The following ARMC1 variants were observed in gnomAD, a reference collection of about 807,000 sequenced individuals.
ARMC1 encodes armadillo repeat-containing protein 1.
A neutral mutation model predicts 31.4 loss-of-function variants in ARMC1; 16 were observed. The observed-to-expected ratio is 0.51, with a 90% CI of 0.34 to 0.77. The LOEUF (loss-of-function observed/expected upper bound fraction) is 0.77, where lower values mean the gene tolerates loss of function less well. Ranked by LOEUF, ARMC1 falls within the 30% of genes least tolerant of loss-of-function variation. ARMC1 has a pLI of 0.01. For missense variants in ARMC1, 259 were observed against 347.5 expected (o/e 0.75, Z 2.02); for synonymous variants, 114 against 118.9 (o/e 0.96, Z 0.27).
intron 2 of ARMC1, 141 bp downstream of exon 2, chr8:65,627,071 CACAT>C (rs1808526340): frequency 1.5e-6 from 1 of 660,596 alleles, no homozygotes; most frequent in Non-Finnish European, 2.5e-6. Flanking sequence ...CCACAGACCA[CACAT>C]ACATATGTTT....
intron 3 of ARMC1, among the ~76,000 whole-genome samples, chr8:65,617,204 G>A (rs1808290076): frequency 6.6e-6 from 1 of 152,238 alleles, no homozygotes; most frequent in Admixed American, 6.5e-5. Context: ...GGAAAAGATA[G>A]AGAAATCAGA....
chr8:65,613,096 T>C (rs1808177483), intron 4 of ARMC1, 148 bp downstream of exon 4: 2 of 501,196 alleles, frequency 4.0e-6, no homozygotes, highest in African/African-American at 2.0e-5. Context: ...TCTTATATCC[T>C]ATGATTAACT....
intron 4 of ARMC1, among the ~76,000 whole-genome samples, chr8:65,610,193 G>T (rs972929332): frequency 2.0e-5 from 3 of 151,932 alleles, no homozygotes; most frequent in Non-Finnish European, 4.4e-5. Context: ...CACCTCCCAG[G>T]TTCAAGCGAT....
At chr8:65,622,019 C>A (rs1341785207) in intron 3 of ARMC1, among the ~76,000 whole-genome samples, 2 of 151,944 alleles carry the variant, frequency 1.3e-5, no homozygotes, top group African/African-American at 2.4e-5. Flanking sequence ...CTCACTGCAA[C>A]CTCCACCTCC....
intron 2 of ARMC1, among the ~76,000 whole-genome samples, chr8:65,623,699 G>GA (rs1300241342): frequency 7.5e-6 from 1 of 133,096 alleles, no homozygotes; most frequent in East Asian, 2.3e-4. Context: ...GAAGAAGCCA[G>GA]AAAAAGGCAT....
intron 4 of ARMC1, among the ~76,000 whole-genome samples, chr8:65,611,050 C>T (rs1808129109): frequency 1.3e-5 from 2 of 152,060 alleles, no homozygotes; most frequent in African/African-American, 4.8e-5. Context: ...TCTCCTGCCT[C>T]AGCCTCCCAT....
At position 65,602,830 on chromosome 8, in the gene ARMC1, T is replaced by G. The variant is rs1250065888; in HGVS notation, c.*1564A>C. ...TGAAAGTTATTGTTGCTTTTTTTGT[T>G]TTTTTTTTTTCAGTTTGTGCGTGTC... is the stretch of plus-strand genomic sequence containing the variant. On this transcript the variant is annotated 3_prime_UTR_variant, in exon 7 of 7. Coordinates refer to ENST00000276569, the MANE Select transcript of ARMC1 (RefSeq NM_018120.6). The G allele has an allele frequency of 2.0e-5, 3 of 150,818 alleles. No individual in the cohort carries two copies. The highest frequency in any genetic ancestry group is 2.0e-4 in the Admixed American group (3 of 15,128). The allele number at this position is 150,818 out of a possible 1,614,324, so 9.3% of individuals were successfully genotyped here.
Position 65,634,156 on chromosome 8 carries a change from G to A in ARMC1, c.-194C>T, listed in dbSNP as rs995285875. The A allele has an allele frequency of 1.3e-5, 2 of 152,332 alleles. No individual in the cohort carries two copies. The highest frequency in any genetic ancestry group is 2.4e-5 in the African/African-American group (1 of 41,482). The allele number at this position is 152,332 out of a possible 1,614,324, so 9.4% of individuals were successfully genotyped here. A position where few individuals can be genotyped will look rare whatever the true frequency, so the allele number is the denominator to read the frequency against. ...CTAACTCAGGGAGCCAAAGAGCGAAGGCGCTGGCGGGCAAAGGCTCTGCAG... is the reference window on the plus strand; with the variant it reads ...CTAACTCAGGGAGCCAAAGAGCGAAAGCGCTGGCGGGCAAAGGCTCTGCAG... On this transcript the variant is annotated 5_prime_UTR_variant, in exon 1 of 7. Transcript: ENST00000276569.
intron 2 of ARMC1, among the ~76,000 whole-genome samples, chr8:65,624,655 C>G (rs1808476922): frequency 6.6e-6 from 1 of 151,956 alleles, no homozygotes; most frequent in Non-Finnish European, 1.5e-5. Flanking sequence ...TGGAAATATA[C>G]TCTTGTGTGA....
chr8:65,609,857 C>CAAAAAAAAA (rs35519675), intron 4 of ARMC1, among the ~76,000 whole-genome samples: 2 of 93,064 alleles, frequency 2.1e-5, no homozygotes, highest in Non-Finnish European at 2.0e-5. Flanking sequence ...GACTCTGTCT[C>CAAAAAAAAA]AAAAAAAAAA....
At chr8:65,616,717 G>A (rs1808270826) in intron 3 of ARMC1, among the ~76,000 whole-genome samples, 1 of 150,766 alleles carries the variant, frequency 6.6e-6, no homozygotes, top group African/African-American at 2.4e-5. Flanking sequence ...CCCATAGTCT[G>A]AGATGTGGGG....
At chr8:65,620,121 T>G (rs1251375123) in intron 3 of ARMC1, among the ~76,000 whole-genome samples, 6 of 149,594 alleles carry the variant, frequency 4.0e-5, no homozygotes, top group Admixed American at 1.3e-4. Flanking sequence ...TATTGAGACC[T>G]GGTCTCAAAA....
intron 1 of ARMC1, among the ~76,000 whole-genome samples, chr8:65,629,857 ATGAG>A (rs1563421725): frequency 6.6e-6 from 1 of 151,162 alleles, no homozygotes. Context: ...TAAAATGGCT[ATGAG>A]TTGCCAGGGG....
chr8:65,613,499 A>C, intron 3 of ARMC1, 66 bp from the exon 4 acceptor site: 1 of 1,161,392 alleles, frequency 8.6e-7, no homozygotes, highest in Non-Finnish European at 1.2e-6. Flanking sequence ...TTATTTCTCC[A>C]CTAAAAGGAG....
chr8:65,622,561 G>A (rs993405809), intron 2 of ARMC1, among the ~76,000 whole-genome samples: 1 of 152,162 alleles, frequency 6.6e-6, no homozygotes, highest in Non-Finnish European at 1.5e-5. Context: ...TCGAAATGAA[G>A]GTTCCTAACT....
Position 65,623,324 on chromosome 8 carries a change from A to AAAAAAAAAAAAAC in ARMC1, c.184-971_184-970insGTTTTTTTTTTTT, listed in dbSNP as rs1554541796. Among the ~76,000 whole-genome samples, 48 of 144,542 alleles carry AAAAAAAAAAAAAC rather than the reference A, an allele frequency of 3.3e-4. 1 individual carries two copies. The highest frequency in any genetic ancestry group is 4.1e-4 in the Non-Finnish European group (27 of 66,120). 94.8% of individuals were successfully genotyped at this position (144,542 alleles called of 152,430 possible). On this transcript the variant is annotated intron_variant, in intron 2 of 6. Coordinates refer to ENST00000276569, the MANE Select transcript of ARMC1 (RefSeq NM_018120.6). ...CTCCGTCTCAAAAAAAAAAAAAAAAATGCTGGGCGCTGAGTGGCTCACGGC... is the reference window on the plus strand; with the variant it reads ...CTCCGTCTCAAAAAAAAAAAAAAAAAAAAAAAAAAAAACTGCTGGGCGCTGAGTGGCTCACGGC...
chr8:65,632,689 C>A (rs376117708), intron 1 of ARMC1, among the ~76,000 whole-genome samples: 3 of 152,050 alleles, frequency 2.0e-5, no homozygotes, highest in African/African-American at 4.8e-5. Flanking sequence ...GTAATCCCAG[C>A]ACTTCGGGAG....
At chr8:65,630,782 G>A (rs1230843122) in intron 1 of ARMC1, among the ~76,000 whole-genome samples, 6 of 151,470 alleles carry the variant, frequency 4.0e-5, no homozygotes, top group African/African-American at 1.5e-4. Flanking sequence ...TAGTGCCATT[G>A]CACTCCAGCC....
At position 65,610,055 on chromosome 8, in the gene ARMC1, G is replaced by T. The variant is rs1023196161; in HGVS notation, c.465+3189C>A. Among the ~76,000 whole-genome samples the T allele has an allele frequency of 4.0e-4, 61 of 151,906 alleles. 1 individual carries two copies. Among genetic ancestry groups the T allele is most frequent in the Admixed American group, 3.9e-4 (6 of 15,216 alleles). On this transcript the variant is annotated intron_variant, in intron 4 of 6. Transcript: ENST00000276569. ...AGTCCAGATGGATTAACAGGGACCA[G>T]ATTTAGCCTCTAGAATTAAACAACT...
Sources: allele counts gnomAD v4.1 joint callset (sites outside exome capture counted in the v4.1 genomes callset), GRCh38; gene constraint gnomAD v4.1.1; transcripts MANE v1.5; gene names NCBI Gene and HGNC (gene_info 2026-07-23, HGNC 2026-07-21).